APC: variants seen among roughly 807,000 people sequenced by gnomAD.
APC encodes APC regulator of Wnt signaling pathway, also known as adenomatous polyposis coli protein.
A neutral mutation model predicts 247.0 loss-of-function variants in APC; 72 were observed. The ratio of observed to expected loss-of-function variants is 0.29; its 90% CI spans 0.24 to 0.35. APC has a LOEUF of 0.35. APC is among the 10% of genes least tolerant of loss of function. The pLI is 1.00. For synonymous variants in APC, 1,254 were observed against 1,162.5 expected, an observed-to-expected ratio of 1.08 and a Z score of -1.60; for missense variants, 3,400 against 3,360.7, an observed-to-expected ratio of 1.01 and a Z score of -0.29.
intron 1 of APC, among the ~76,000 whole-genome samples, chr5:112,728,037 C>A (rs1368832683): frequency 6.6e-6 from 1 of 151,716 alleles, no homozygotes; most frequent in East Asian, 1.9e-4. Flanking sequence ...TGCGGCCCAA[C>A]ACAAATTCAT....
Position 112,843,172 on chromosome 5 carries a change from T to C in APC, c.7578T>C (p.His2526=), listed in dbSNP as rs786201565. 10 of 1,613,240 alleles carry C rather than the reference T, an allele frequency of 6.2e-6. No individual in the cohort carries two copies. The highest frequency in any genetic ancestry group is 8.5e-6 in the Non-Finnish European group (10 of 1,179,214). ...ATGATGGAAGACCAGCAAAGCGCCA[T>C]GATATTGCACGGTCTCATTCTGAAA... ...EYNDGRPAKR[H]DIARSHSESP... The change falls in exon 16 of 16, where the codon CAT becomes CAC. Residue 2526 remains histidine, a synonymous_variant. Coordinates refer to ENST00000257430, the MANE Select transcript of APC (RefSeq NM_000038.6). The surrounding 1 kb of genome is among the most constrained non-coding windows in gnomAD (Gnocchi z 4.8).
At position 112,839,071 on chromosome 5, in the gene APC, A is replaced by T. The variant is rs2149892789; in HGVS notation, c.3477A>T (p.Pro1159=). Residue 1159 remains proline, a synonymous_variant, in exon 16 of 16, where the codon CCA becomes CCT. Coordinates refer to ENST00000257430, the MANE Select transcript of APC (RefSeq NM_000038.6). The surrounding 1 kb of genome is among the most constrained non-coding windows in gnomAD (Gnocchi z 5.0). ...AACAGCATGAAGAAGAAGAGAGACC[A>T]ACAAATTATAGCATAAAATATAATG... ...EEEQHEEEER[P]TNYSIKYNEE... The T allele has an allele frequency of 6.2e-7, 1 of 1,614,154 alleles. No homozygotes were observed. The highest frequency in any genetic ancestry group is 2.2e-5 in the East Asian group (1 of 44,876).
At chr5:112,711,102 C>G (rs1031590821) in intron 1 of APC, among the ~76,000 whole-genome samples, 2 of 152,208 alleles carry the variant, frequency 1.3e-5, no homozygotes, top group Non-Finnish European at 2.9e-5. Context: ...CAGTCCTTGG[C>G]TTGTTTGGTG....
At chr5:112,781,980 G>A (rs761618865) in intron 6 of APC, among the ~76,000 whole-genome samples, 4 of 152,166 alleles carry the variant, frequency 2.6e-5, no homozygotes, top group Admixed American at 2.0e-4. Context: ...GTGATCCACC[G>A]GCCTCAGCCT....
chr5:112,763,533 TTTA>T (rs545436203), intron 2 of APC, among the ~76,000 whole-genome samples: 54 of 152,244 alleles, frequency 3.5e-4, no homozygotes, highest in African/African-American at 1.2e-3. Flanking sequence ...ATTTTAAGTT[TTTA>T]TTATTTCTTT....
chr5:112,794,950 T>C (rs1459314467), intron 7 of APC, among the ~76,000 whole-genome samples: 1 of 152,120 alleles, frequency 6.6e-6, no homozygotes, highest in African/African-American at 2.4e-5. Flanking sequence ...GGTGTAGGAA[T>C]GGGGATGGGG....
chr5:112,832,708 C>G (rs140077769), intron 14 of APC, among the ~76,000 whole-genome samples: 1 of 152,182 alleles, frequency 6.6e-6, no homozygotes, highest in Non-Finnish European at 1.5e-5. Context: ...ACTGGATTCT[C>G]TTCTCTGGGA....
At chr5:112,836,221 G>A (rs148414582) in intron 15 of APC, among the ~76,000 whole-genome samples, 5,996 of 142,336 alleles carry the variant, frequency 0.042, 349 homozygotes, top group African/African-American at 0.13. Context: ...AGTAGAGACG[G>A]GGCTTCACCA....
At chr5:112,787,798 G>A (rs2149669314) in intron 6 of APC, among the ~76,000 whole-genome samples, 1 of 152,118 alleles carries the variant, frequency 6.6e-6, no homozygotes, top group Admixed American at 6.5e-5. Context: ...TAGTTATATT[G>A]CCAGATTTAT....
rs371143014 is a variant in APC at position 112,787,707 on chromosome 5, A to G, written c.646-4739A>G. ...TTGATACCAATCCTTTGTAGATAAT[A>G]TACATCTCAATTCCTCCCCACCAAA... On this transcript the variant is annotated intron_variant, in intron 6 of 15. Coordinates refer to ENST00000257430, the MANE Select transcript of APC (RefSeq NM_000038.6). Among the ~76,000 whole-genome samples, 8 of 152,310 alleles carry G rather than the reference A, an allele frequency of 5.3e-5. No individual in the cohort carries two copies. In the East Asian group the frequency reaches 1.3e-3, roughly 26 times the overall value.
intron 14 of APC, among the ~76,000 whole-genome samples, chr5:112,832,717 G>C (rs1018302487): frequency 6.6e-6 from 1 of 152,132 alleles, no homozygotes; most frequent in African/African-American, 2.4e-5. Context: ...TCTTCTCTGG[G>C]AATGTACAGG....
chr5:112,832,462 GAT>G (rs1486940555), intron 14 of APC, among the ~76,000 whole-genome samples: 2 of 152,188 alleles, frequency 1.3e-5, no homozygotes, highest in African/African-American at 4.8e-5. Context: ...CCTGCTCCTA[GAT>G]TGTTTTGTTC....
At chr5:112,750,992 C>G (rs1754296842) in intron 1 of APC, among the ~76,000 whole-genome samples, 2 of 152,116 alleles carry the variant, frequency 1.3e-5, no homozygotes. Flanking sequence ...TGAGATGCTA[C>G]TTTAATCATA....
intron 8 of APC, among the ~76,000 whole-genome samples, chr5:112,814,256 G>A (rs762249708): frequency 2.0e-5 from 3 of 152,080 alleles, no homozygotes; most frequent in Non-Finnish European, 2.9e-5. Context: ...TATTTTGATA[G>A]GTCCCAGTTA....
intron 1 of APC, 91 bp from the exon 2 acceptor site, chr5:112,754,782 A>C (rs934762537): frequency 5.8e-6 from 7 of 1,216,768 alleles, no homozygotes; most frequent in Admixed American, 2.0e-5. Flanking sequence ...TAAACGTCTT[A>C]AGAGTTTTGT....
chr5:112,725,171 C>G (rs1054750473), intron 1 of APC, among the ~76,000 whole-genome samples: 2 of 152,020 alleles, frequency 1.3e-5, no homozygotes, highest in African/African-American at 4.8e-5. Context: ...CAGAGTTTCA[C>G]TATGTTGGCC....
At chr5:112,835,269 A>T (rs1226358594) in intron 15 of APC, 104 bp downstream of exon 15, 10 of 996,806 alleles carry the variant, frequency 1.0e-5, no homozygotes, top group Non-Finnish European at 1.4e-5. Flanking sequence ...TTTAAGCCAA[A>T]ATATATTTAT....
intron 9 of APC, among the ~76,000 whole-genome samples, chr5:112,818,163 A>G (rs1423310031): frequency 1.3e-5 from 2 of 152,200 alleles, no homozygotes; most frequent in East Asian, 3.8e-4. Flanking sequence ...CCAGTTGAGA[A>G]CCATTGACTT....
intron 11 of APC, among the ~76,000 whole-genome samples, chr5:112,823,070 C>G (rs1763301084): frequency 6.6e-6 from 1 of 152,178 alleles, no homozygotes; most frequent in African/African-American, 2.4e-5. Flanking sequence ...GAATTCTCCC[C>G]TCGTTAATAC....
Sources: gnomAD v4.1 joint callset for allele counts (sites outside exome capture counted in the v4.1 genomes callset) on GRCh38, gnomAD v4.1.1 for gene constraint, Gnocchi (gnomAD v3.1) non-coding constraint, MANE v1.5 for transcripts, NCBI Gene and HGNC (gene_info 2026-07-23, HGNC 2026-07-21) for gene names.